The following SGCD variants were observed in gnomAD, a reference collection of about 807,000 sequenced individuals.
The protein encoded by SGCD is sarcoglycan delta.
A neutral mutation model predicts 36.6 loss-of-function variants in SGCD; 18 were observed. The ratio of observed to expected loss-of-function variants is 0.49; its 90% CI spans 0.34 to 0.73. The LOEUF (loss-of-function observed/expected upper bound fraction) is 0.73. SGCD is among the 30% of genes least tolerant of loss of function. The pLI is 0.01. For missense variants in SGCD, 387 were observed against 346.7 expected, an observed-to-expected ratio of 1.12 and a Z score of -0.92; for synonymous variants, 133 against 130.6, an observed-to-expected ratio of 1.02 and a Z score of -0.12.
intron 6 of SGCD, among the ~76,000 whole-genome samples, chr5:156,627,977 A>G (rs1361678829): frequency 1.3e-5 from 2 of 152,148 alleles, no homozygotes; most frequent in East Asian, 3.8e-4. Context: ...ATAAAGGAAA[A>G]AGGTTTAATT....
chr5:156,349,953 G>T (rs1346644234), intron 3 of SGCD, among the ~76,000 whole-genome samples: 1 of 151,832 alleles, frequency 6.6e-6, no homozygotes, highest in Non-Finnish European at 1.5e-5. Context: ...GGAACCAGAG[G>T]CCATTTTTCT....
At chr5:156,479,991 G>A (rs1003715238) in intron 3 of SGCD, among the ~76,000 whole-genome samples, 1 of 152,212 alleles carries the variant, frequency 6.6e-6, no homozygotes, top group African/African-American at 2.4e-5. Flanking sequence ...CCTGTGGGTG[G>A]AAGATCAGCC....
intron 7 of SGCD, among the ~76,000 whole-genome samples, chr5:156,654,834 G>T (rs1307542274): frequency 1.3e-5 from 2 of 152,014 alleles, no homozygotes; most frequent in African/African-American, 2.4e-5. Context: ...TTTCTCCAAA[G>T]TTAACATCTT....
chr5:155,984,082 G>T (rs1026653585), intron 1 of SGCD, among the ~76,000 whole-genome samples: 1 of 152,102 alleles, frequency 6.6e-6, no homozygotes, highest in Non-Finnish European at 1.5e-5. Flanking sequence ...GACCTTGTTG[G>T]CTTAATCATA....
At chr5:156,092,179 G>A (rs1287982328) in intron 1 of SGCD, among the ~76,000 whole-genome samples, 1 of 152,112 alleles carries the variant, frequency 6.6e-6, no homozygotes, top group Non-Finnish European at 1.5e-5. Context: ...CCAAAACTAG[G>A]GATTCAAATC....
intron 3 of SGCD, among the ~76,000 whole-genome samples, chr5:156,495,937 G>C (rs1023997141): frequency 6.6e-6 from 1 of 152,108 alleles, no homozygotes; most frequent in Non-Finnish European, 1.5e-5. Flanking sequence ...CAATGTGCTG[G>C]CATTGGTTTT....
chr5:156,671,111 G>A (rs755119371), intron 7 of SGCD, among the ~76,000 whole-genome samples: 8 of 150,772 alleles, frequency 5.3e-5, no homozygotes, highest in African/African-American at 9.8e-5. Flanking sequence ...TAGAGATACT[G>A]TCTTCTTTTT....
intron 1 of SGCD, among the ~76,000 whole-genome samples, chr5:156,076,594 A>G (rs1193312094): frequency 3.9e-5 from 6 of 152,178 alleles, no homozygotes; most frequent in Non-Finnish European, 4.4e-5. Context: ...CTATGGGATG[A>G]AGTTTGATAT....
intron 1 of SGCD, among the ~76,000 whole-genome samples, chr5:155,880,285 T>G (rs1755856103): frequency 1.3e-5 from 2 of 152,220 alleles, no homozygotes; most frequent in Admixed American, 1.3e-4. Context: ...GGAATCTCCA[T>G]AAATGCTAGG....
At chr5:155,820,252 A>G in the SGCD span, among the ~76,000 whole-genome samples, 1 of 152,196 alleles carries the variant, frequency 6.6e-6, no homozygotes, top group East Asian at 1.9e-4. Context: ...AATCCCTTAG[A>G]AAAACTACTT....
chr5:156,683,518 T>C (rs1242094091), intron 7 of SGCD, among the ~76,000 whole-genome samples: 3 of 152,252 alleles, frequency 2.0e-5, no homozygotes, highest in African/African-American at 4.8e-5. Flanking sequence ...GACAACATTA[T>C]ATTTTGCTGA....
chr5:156,618,688 A>AGCTACAG (rs1762112922), intron 6 of SGCD, among the ~76,000 whole-genome samples: 1 of 151,954 alleles, frequency 6.6e-6, no homozygotes, highest in African/African-American at 2.4e-5. Flanking sequence ...AGGCAGCATA[A>AGCTACAG]GCTACAGTGG....
intron 4 of SGCD, among the ~76,000 whole-genome samples, chr5:156,548,498 G>A (rs146409884): frequency 6.5e-4 from 99 of 152,326 alleles, no homozygotes; most frequent in Non-Finnish European, 1.2e-3. Flanking sequence ...CATAATCTTG[G>A]AGGAAATTGG....
chr5:156,254,374 C>T (rs1765660124), intron 3 of SGCD, among the ~76,000 whole-genome samples: 1 of 152,190 alleles, frequency 6.6e-6, no homozygotes, highest in South Asian at 2.1e-4. Flanking sequence ...TCCCTCCCCG[C>T]TCCCCTGGGA....
chr5:156,110,796 G>T (rs1190151731), intron 1 of SGCD, among the ~76,000 whole-genome samples: 1 of 152,110 alleles, frequency 6.6e-6, no homozygotes, highest in Non-Finnish European at 1.5e-5. Flanking sequence ...ACTGGAAGTT[G>T]TCATAAAATC....
At chr5:156,488,060 A>T (rs894621018) in intron 3 of SGCD, among the ~76,000 whole-genome samples, 1 of 147,352 alleles carries the variant, frequency 6.8e-6, no homozygotes, top group African/African-American at 2.5e-5. Flanking sequence ...CAGTAGACAA[A>T]ATCAAGCAGA....
chr5:155,938,413 A>T (rs1217813254), intron 1 of SGCD, among the ~76,000 whole-genome samples: 1 of 152,162 alleles, frequency 6.6e-6, no homozygotes, highest in African/African-American at 2.4e-5. Flanking sequence ...AGGAAAAATA[A>T]ACAAATTATA....
chr5:156,322,413 A>G (rs756045346), upstream of SGCD, among the ~76,000 whole-genome samples: 3 of 152,226 alleles, frequency 2.0e-5, no homozygotes, highest in Non-Finnish European at 2.9e-5. Flanking sequence ...TGGTGTAAGG[A>G]GTAAGACACA....
intron 3 of SGCD, 84 bp from the exon 4 acceptor site, chr5:156,508,517 C>T: frequency 1.4e-6 from 1 of 739,932 alleles, no homozygotes. Flanking sequence ...AAAAAAAAGG[C>T]TATAACTACG....
Sources: allele counts gnomAD v4.1 joint callset (sites outside exome capture counted in the v4.1 genomes callset), GRCh38; gene constraint gnomAD v4.1.1; transcripts MANE v1.5; gene names NCBI Gene and HGNC (gene_info 2026-07-23, HGNC 2026-07-21).